Variants in WAC observed in about 807,000 individuals in gnomAD.
WAC encodes WW domain-containing adapter protein with coiled-coil.
WAC carries 11 observed loss-of-function variants against 79.6 expected under a neutral mutation model. That is an observed-to-expected ratio of 0.14 (90% CI 0.09 to 0.23). WAC has a LOEUF of 0.23. Among genes scored for constraint, WAC ranks in the 10% least tolerant of loss-of-function variants. The pLI is 1.00. For synonymous variants in WAC, 304 were observed against 276.9 expected, an observed-to-expected ratio of 1.10 and a Z score of -0.97; for missense variants, 728 against 773.5, an observed-to-expected ratio of 0.94 and a Z score of 0.70.
At chr10:28,617,099 A>C (rs1412187766) in intron 12 of WAC, among the ~76,000 whole-genome samples, 1 of 151,984 alleles carries the variant, frequency 6.6e-6, no homozygotes, top group Non-Finnish European at 1.5e-5. Flanking sequence ...ACAAAAAAAA[A>C]CCCCACTTAA....
chr10:28,610,845 C>T, intron 9 of WAC, 24 bp downstream of exon 9: 7 of 1,556,482 alleles, frequency 4.5e-6, no homozygotes, highest in Non-Finnish European at 5.2e-6. Flanking sequence ...TCTTAGATAT[C>T]TCTAGAATGG....
chr10:28,553,324 A>G (rs1185472269), intron 3 of WAC, among the ~76,000 whole-genome samples: 1 of 152,196 alleles, frequency 6.6e-6, no homozygotes, highest in Non-Finnish European at 1.5e-5. Context: ...TCAATTTAGT[A>G]AATCTTAAGC....
chr10:28,539,760 A>C (rs1230355298), intron 3 of WAC, among the ~76,000 whole-genome samples: 1 of 152,054 alleles, frequency 6.6e-6, no homozygotes, highest in Non-Finnish European at 1.5e-5. Context: ...GGTTTCACCA[A>C]GTTGGCCAGG....
chr10:28,535,311 G>C, intron 2 of WAC: 1 of 331,708 alleles, frequency 3.0e-6, no homozygotes, highest in Non-Finnish European at 5.4e-6. Flanking sequence ...AGTGTGCAAG[G>C]TGGTTTATAA....
chr10:28,538,895 A>G (rs978306491), intron 3 of WAC, among the ~76,000 whole-genome samples: 4 of 151,426 alleles, frequency 2.6e-5, no homozygotes, highest in African/African-American at 9.7e-5. Context: ...GAAAAAAATT[A>G]ATGTATATAA....
chr10:28,613,461 G>A lies in WAC; in HGVS notation c.1438-1106G>A, dbSNP rs192319826. The stretch of plus-strand genomic sequence containing the variant: ...CAAGGTTGGAGTGAGCCAAGATCAC[G>A]TCACTCTGCACTTGAGAGTAGGCAA... On this transcript the variant is annotated intron_variant, in intron 10 of 13. Transcript: ENST00000354911. Among the ~76,000 whole-genome samples the A allele has an allele frequency of 5.5e-4, 83 of 152,196 alleles. 1 individual carries two copies. The highest frequency in any genetic ancestry group is 5.0e-4 in the Non-Finnish European group (34 of 67,998).
At chr10:28,592,986 G>A (rs567350292) in intron 6 of WAC, among the ~76,000 whole-genome samples, 1 of 152,072 alleles carries the variant, frequency 6.6e-6, no homozygotes, top group Non-Finnish European at 1.5e-5. Flanking sequence ...GAATACTTGG[G>A]AGGTTTTCAG....
At chr10:28,585,483 G>T (rs1048095329) in intron 4 of WAC, among the ~76,000 whole-genome samples, 2 of 152,022 alleles carry the variant, frequency 1.3e-5, no homozygotes, top group Non-Finnish European at 2.9e-5. Context: ...AAAACAGCTC[G>T]CTAAGCCTTC....
intron 7 of WAC, among the ~76,000 whole-genome samples, chr10:28,601,231 C>T (rs2772431): frequency 0.35 from 53,639 of 151,888 alleles, 10,248 homozygotes; most frequent in East Asian, 0.54. Flanking sequence ...TAAAACAACA[C>T]GGTTCATAAA....
intron 1 of WAC, 128 bp from the exon 2 acceptor site, chr10:28,533,870 C>T (rs1046502992): frequency 8.3e-7 from 1 of 1,201,840 alleles, no homozygotes; most frequent in Non-Finnish European, 1.2e-6. Flanking sequence ...CGTGTGCGTG[C>T]GGGGCTCGGC....
At chr10:28,588,101 T>G (rs149111559) in intron 4 of WAC, among the ~76,000 whole-genome samples, 34 of 152,312 alleles carry the variant, frequency 2.2e-4, no homozygotes, top group African/African-American at 7.2e-4. Flanking sequence ...TCATTCTACC[T>G]CTTCAGTTCA....
At chr10:28,574,053 C>A (rs1215571468) in intron 3 of WAC, among the ~76,000 whole-genome samples, 1 of 152,120 alleles carries the variant, frequency 6.6e-6, no homozygotes, top group Non-Finnish European at 1.5e-5. Context: ...CTTTTTGTTG[C>A]TAAATGATAT....
chr10:28,540,425 C>T (rs1465972562), intron 3 of WAC, among the ~76,000 whole-genome samples: 1 of 152,176 alleles, frequency 6.6e-6, no homozygotes, highest in Non-Finnish European at 1.5e-5. Flanking sequence ...TATCTTCACC[C>T]TTCTTCCCTC....
chr10:28,602,937 A>G (rs1840710488), intron 7 of WAC, among the ~76,000 whole-genome samples: 1 of 152,220 alleles, frequency 6.6e-6, no homozygotes, highest in Non-Finnish European at 1.5e-5. Context: ...TCAAAGGGTG[A>G]TATTTACAGC....
chr10:28,601,255 C>T (rs796790781), intron 7 of WAC, among the ~76,000 whole-genome samples: 4 of 151,964 alleles, frequency 2.6e-5, no homozygotes, highest in African/African-American at 7.2e-5. Flanking sequence ...GCAAAGGACT[C>T]GAATAAACAT....
At chr10:28,536,257 A>T (rs1836665419) in intron 3 of WAC, among the ~76,000 whole-genome samples, 1 of 152,162 alleles carries the variant, frequency 6.6e-6, no homozygotes, top group African/African-American at 2.4e-5. Context: ...AAAAAAAAAA[A>T]AAAGCGGACT....
intron 3 of WAC, among the ~76,000 whole-genome samples, chr10:28,563,674 G>T (rs1448005272): frequency 1.3e-5 from 2 of 148,938 alleles, no homozygotes; most frequent in East Asian, 4.1e-4. Flanking sequence ...CCGCCTCCTG[G>T]GTTCAAGCAA....
chr10:28,592,255 C>T (rs1440220511), intron 6 of WAC, among the ~76,000 whole-genome samples: 1 of 152,212 alleles, frequency 6.6e-6, no homozygotes, highest in African/African-American at 2.4e-5. Flanking sequence ...CCGAGGTTTT[C>T]CTCTAGACAT....
At chr10:28,533,669 G>T (rs1042181242) in intron 1 of WAC, 49 bp downstream of exon 1, 4 of 1,513,198 alleles carry the variant, frequency 2.6e-6, no homozygotes, top group Admixed American at 2.0e-5. Flanking sequence ...GGGCGGCGGC[G>T]GGGGGGCTGT....
Sources: gnomAD v4.1 joint callset for allele counts (sites outside exome capture counted in the v4.1 genomes callset) on GRCh38, gnomAD v4.1.1 for gene constraint, MANE v1.5 for transcripts, NCBI Gene and HGNC (gene_info 2026-07-23, HGNC 2026-07-21) for gene names.